The following TBC1D8 variants were observed in gnomAD, a reference collection of about 807,000 sequenced individuals.
The protein encoded by TBC1D8 is BUB2-like protein 1.
A neutral mutation model predicts 118.8 loss-of-function variants in TBC1D8; 65 were observed. That is an observed-to-expected ratio of 0.55 (90% confidence interval 0.45 to 0.67). TBC1D8 has a LOEUF of 0.67. TBC1D8 is among the 30% of genes least tolerant of loss of function. TBC1D8 has a pLI of 0.00. For missense variants in TBC1D8, 1,376 were observed against 1,471.2 expected, an observed-to-expected ratio of 0.94 and a Z score of 1.06; for synonymous variants, 566 against 595.8, an observed-to-expected ratio of 0.95 and a Z score of 0.73.
chr2:101,124,794 A>C (rs1433553054), intron 1 of TBC1D8, among the ~76,000 whole-genome samples: 1 of 152,172 alleles, frequency 6.6e-6, no homozygotes, highest in East Asian at 1.9e-4. Flanking sequence ...AGCTGTGGAA[A>C]AAATACTACA....
intron 1 of TBC1D8, among the ~76,000 whole-genome samples, chr2:101,136,129 C>T (rs1678845587): frequency 6.6e-6 from 1 of 152,140 alleles, no homozygotes; most frequent in Admixed American, 6.5e-5. Flanking sequence ...GCTGAGATTA[C>T]AGCATGAGCC....
At chr2:101,025,657 G>A (rs1177332369) in intron 15 of TBC1D8, among the ~76,000 whole-genome samples, 7 of 152,050 alleles carry the variant, frequency 4.6e-5, no homozygotes, top group African/African-American at 1.7e-4. Flanking sequence ...TAAGTCTTAC[G>A]CAGAACATGA....
intron 1 of TBC1D8, among the ~76,000 whole-genome samples, chr2:101,113,986 A>G (rs1558715177): frequency 6.6e-6 from 1 of 152,342 alleles, no homozygotes; most frequent in South Asian, 2.1e-4. Flanking sequence ...GCAACTATCT[A>G]TTGAACACCC....
chr2:101,118,034 G>C (rs1677910552), intron 1 of TBC1D8, among the ~76,000 whole-genome samples: 1 of 152,018 alleles, frequency 6.6e-6, no homozygotes, highest in South Asian at 2.1e-4. Flanking sequence ...GTTTGCTGAA[G>C]TTCCTGAAAT....
At chr2:101,019,638 T>C (rs1679903111) in intron 17 of TBC1D8, 1 of 152,220 alleles carries the variant, frequency 6.6e-6, no homozygotes, top group African/African-American at 2.4e-5. Context: ...AATATCACAA[T>C]CAGATATGTT....
chr2:101,010,183 AAACCATATGG>A (rs1343824298), intron 19 of TBC1D8, among the ~76,000 whole-genome samples: 1 of 152,188 alleles, frequency 6.6e-6, no homozygotes, highest in Non-Finnish European at 1.5e-5. Flanking sequence ...AAAATGAAAC[AAACCATATGG>A]AACCTGAATA....
At chr2:101,103,580 G>GTATTTGTATTTAGTATTATTTGT (rs1285476178) in intron 1 of TBC1D8, among the ~76,000 whole-genome samples, 1 of 151,958 alleles carries the variant, frequency 6.6e-6, no homozygotes, top group East Asian at 1.9e-4. Context: ...TTTTAGTAGA[G>GTATTTGTATTTAGTATTATTTGT]ACAGGGTTTC....
intron 12 of TBC1D8, chr2:101,028,651 T>A (rs1680494903): frequency 2.0e-6 from 1 of 508,966 alleles, no homozygotes; most frequent in East Asian, 3.1e-5. Flanking sequence ...GGCCTGAAAC[T>A]CTCCAGTGAA....
At chr2:101,128,371 C>T (rs564535755) in intron 1 of TBC1D8, among the ~76,000 whole-genome samples, 1 of 152,330 alleles carries the variant, frequency 6.6e-6, no homozygotes, top group Admixed American at 6.5e-5. Flanking sequence ...ACTCAAGCTT[C>T]CTGGGAAGAG....
rs141138027 is a variant in TBC1D8 at position 101,065,369 on chromosome 2, TAA to T, written c.284-5832_284-5831del. Among the ~76,000 whole-genome samples, 300 of 152,322 alleles carry T rather than the reference TAA, an allele frequency of 2.0e-3. 1 individual carries two copies. The highest frequency in any genetic ancestry group is 6.6e-3 in the African/African-American group (274 of 41,568). On this transcript the variant is annotated intron_variant, in intron 2 of 19. Transcript: ENST00000409318. ...CCATACAGACTACAAAGGAGCTAGT[TAA>T]AAGTTAACTGTCATGGCAATGTCAT...
rs13007048 is a variant in TBC1D8 at position 101,019,076 on chromosome 2, C to T, written c.2827+2605G>A. The T allele has an allele frequency of 0.29, 467,994 of 1,592,348 alleles. 72,343 individuals are homozygous for T. The highest frequency in any genetic ancestry group is 0.38 in the Middle Eastern group (2,254 of 5,970). ...TGGAAGTGGATGAGGCCTTGGGTCT[C>T]GGCTCTTCATTGCTTCCTGAGCTGC... is the stretch of plus-strand genomic sequence containing the variant. On this transcript the variant is annotated intron_variant, in intron 17 of 19. Coordinates refer to ENST00000409318, the MANE Select transcript of TBC1D8 (RefSeq NM_001330348.2).
rs576024231 is a variant in TBC1D8, at chr2:101,007,826, A to G, written c.3463T>C (p.Leu1155=). 6 of 1,613,458 alleles carry G rather than the reference A, an allele frequency of 3.7e-6. No individual in the cohort carries two copies. The highest frequency in any genetic ancestry group is 2.2e-5 in the East Asian group (1 of 44,878). ...QSQSELKLSN[L] is the part of the protein sequence containing the mutation. Reference sequence around the variant, plus strand: ...GCATAGCAGCTGCTGTCTTGCTACAAGTTACTCAGCTTAAGTTCAGATTGT... The same window carrying G: ...GCATAGCAGCTGCTGTCTTGCTACAGGTTACTCAGCTTAAGTTCAGATTGT... Residue 1155 remains leucine (L), a synonymous_variant, in exon 20 of 20, where the codon TTG becomes CTG. Coordinates refer to ENST00000409318, the MANE Select transcript of TBC1D8 (RefSeq NM_001330348.2).
intron 5 of TBC1D8, among the ~76,000 whole-genome samples, chr2:101,049,141 T>G (rs868500588): frequency 3.9e-5 from 6 of 152,188 alleles, no homozygotes; most frequent in Non-Finnish European, 7.4e-5. Flanking sequence ...TGCTGGACAC[T>G]AGGATAATTC....
At chr2:101,041,481 T>C (rs543820297) in intron 5 of TBC1D8, among the ~76,000 whole-genome samples, 4 of 152,224 alleles carry the variant, frequency 2.6e-5, no homozygotes, top group Non-Finnish European at 5.9e-5. Flanking sequence ...ATATCCAGAA[T>C]AAGCAAATCT....
chr2:101,082,657 G>A (rs1216328106), intron 2 of TBC1D8, among the ~76,000 whole-genome samples: 1 of 152,220 alleles, frequency 6.6e-6, no homozygotes, highest in Non-Finnish European at 1.5e-5. Context: ...GATGCTGACT[G>A]TAATAAGTGG....
chr2:101,096,796 G>GGGGAGA (rs1553418147), intron 1 of TBC1D8, among the ~76,000 whole-genome samples: 6 of 146,500 alleles, frequency 4.1e-5, no homozygotes, highest in African/African-American at 1.0e-4. Context: ...AGAGAGAGGG[G>GGGGAGA]GAGAGAGAGA....
At chr2:101,010,835 T>A in intron 19 of TBC1D8, 94 bp downstream of exon 19, 2 of 1,014,510 alleles carry the variant, frequency 2.0e-6, no homozygotes, top group Non-Finnish European at 1.5e-6. Flanking sequence ...TGGGCTGAGA[T>A]CGCGCCACTG....
At chr2:101,069,349 G>A (rs553064884) in intron 2 of TBC1D8, among the ~76,000 whole-genome samples, 1 of 151,906 alleles carries the variant, frequency 6.6e-6, no homozygotes, top group Admixed American at 6.6e-5. Context: ...CACTTTGGGA[G>A]GCTGAGGTGG....
At chr2:101,022,928 C>T (rs925261725) in intron 15 of TBC1D8, among the ~76,000 whole-genome samples, 97 of 151,968 alleles carry the variant, frequency 6.4e-4, no homozygotes, top group African/African-American at 2.0e-3. Context: ...GGATCGTCTG[C>T]GCTCAAGATT....
Sources: gnomAD v4.1 joint callset for allele counts (sites outside exome capture counted in the v4.1 genomes callset) on GRCh38, gnomAD v4.1.1 for gene constraint, MANE v1.5 for transcripts, NCBI Gene and HGNC (gene_info 2026-07-23, HGNC 2026-07-21) for gene names.